Variants in TNPO2 observed in about 807,000 individuals in gnomAD.
TNPO2 encodes the protein transportin-2.
In TNPO2, 16 loss-of-function variants were observed where a neutral mutation model predicts 111.1. That is an observed-to-expected ratio of 0.14 (90% CI 0.10 to 0.22). The LOEUF is 0.22. Ranked by LOEUF, TNPO2 falls within the 10% of genes least tolerant of loss-of-function variation. The pLI is 1.00. For synonymous variants in TNPO2, 481 were observed against 475.8 expected (o/e 1.01, Z -0.14); for missense variants, 530 against 1,173.7 (o/e 0.45, Z 8.01).
Position 12,706,994 on chromosome 19 carries a change from C to T in TNPO2, c.1271-199G>A, listed in dbSNP as rs2025715093. On this transcript the variant is annotated intron_variant, in intron 13 of 25. Coordinates refer to ENST00000425528, the MANE Select transcript of TNPO2 (RefSeq NM_001382241.1). This position sits in a 1 kb window ranked among gnomAD's most constrained non-coding sequence, Gnocchi z 7.0. ...AACAGAAGCCTCTCATCCCAAAGCCCCGGGTTATCTTTATTTTTTTTTGAG... is the reference window on the plus strand; with the variant it reads ...AACAGAAGCCTCTCATCCCAAAGCCTCGGGTTATCTTTATTTTTTTTTGAG... Among the ~76,000 whole-genome samples the T allele has an allele frequency of 6.6e-6, 1 of 152,118 alleles. No individual in the cohort carries two copies. Among genetic ancestry groups the T allele is most frequent in the African/African-American group, 2.4e-5 (1 of 41,416 alleles).
rs935792468 is a variant in TNPO2 at position 12,699,214 on chromosome 19, G to A, written c.*2050C>T. On this transcript the variant is annotated 3_prime_UTR_variant, in exon 26 of 26. Coordinates refer to ENST00000425528, the MANE Select transcript of TNPO2 (RefSeq NM_001382241.1). ...CAGACTAAGGAGTTCACAAGAAACT[G>A]ATCTTTACTCAACAAAGTTCTACAC... is the stretch of plus-strand genomic sequence containing the variant. 7.2e-6 allele frequency: 3 copies of A among 417,408 alleles called. No homozygotes were observed. Among genetic ancestry groups the A allele is most frequent in the East Asian group, 1.9e-4 (2 of 10,420 alleles). 25.9% of individuals were successfully genotyped at this position (417,408 alleles called of 1,614,324 possible).
intron 10 of TNPO2, among the ~76,000 whole-genome samples, chr19:12,712,990 A>G (rs2026150076): frequency 6.6e-6 from 1 of 152,020 alleles, no homozygotes; most frequent in African/African-American, 2.4e-5. Flanking sequence ...GGCTCATGCA[A>G]TCCTCCTGCC....
Position 12,700,228 on chromosome 19 carries a change from A to C in TNPO2, c.*1036T>G, listed in dbSNP as rs748146424. ...AAAACCTGTGTCCTCTGTCATCATC[A>C]ATTAAACGCCCCTGCCCCAGGCCTT... On this transcript the variant is annotated 3_prime_UTR_variant, in exon 26 of 26. Coordinates refer to ENST00000425528, the MANE Select transcript of TNPO2 (RefSeq NM_001382241.1). 2.6e-5 allele frequency: 4 copies of C among 152,120 alleles called. No homozygotes were observed. Among genetic ancestry groups the C allele is most frequent in the Non-Finnish European group, 5.9e-5 (4 of 68,046 alleles). 9.4% of individuals were successfully genotyped at this position (152,120 alleles called of 1,614,324 possible). A position where few individuals can be genotyped will look rare whatever the true frequency, so the allele number is the denominator to read the frequency against.
chr19:12,716,608 A>G (rs1046750171), intron 5 of TNPO2, among the ~76,000 whole-genome samples: 1 of 151,960 alleles, frequency 6.6e-6, no homozygotes, highest in African/African-American at 2.4e-5. Flanking sequence ...CCTGGGATGG[A>G]GCAAGACTCC....
At position 12,719,496 on chromosome 19, in the gene TNPO2, C is replaced by T. The variant is rs1472605224; in HGVS notation, c.100-160G>A. ...ACAATGACACAGAGCACCTCAGACACGTCAAATTCATATAAGGGGCCGGGC... is the reference window on the plus strand; with the variant it reads ...ACAATGACACAGAGCACCTCAGACATGTCAAATTCATATAAGGGGCCGGGC... On this transcript the variant is annotated intron_variant, in intron 3 of 25. Coordinates refer to ENST00000425528, the MANE Select transcript of TNPO2 (RefSeq NM_001382241.1). This position sits in a 1 kb window ranked among gnomAD's most constrained non-coding sequence, Gnocchi z 5.0. Among the ~76,000 whole-genome samples, 5 of 152,008 alleles carry T rather than the reference C, an allele frequency of 3.3e-5. No homozygotes were observed. Among genetic ancestry groups the T allele is most frequent in the Non-Finnish European group, 7.4e-5 (5 of 68,004 alleles).
intron 10 of TNPO2, among the ~76,000 whole-genome samples, chr19:12,714,559 G>T (rs996278407): frequency 1.3e-5 from 2 of 151,998 alleles, no homozygotes; most frequent in African/African-American, 4.8e-5. Flanking sequence ...TGATCTGCCC[G>T]CCTCGGCCTC....
rs906162756 is a variant in TNPO2 at position 12,701,124 on chromosome 19, G to A, written c.*140C>T. 51 of 505,910 alleles carry A rather than the reference G, an allele frequency of 1.0e-4. No homozygotes were observed. The Admixed American group carries it at 1.4e-3, about 14-fold the overall frequency. 31.3% of individuals were successfully genotyped at this position (505,910 alleles called of 1,614,324 possible). A position where few individuals can be genotyped will look rare whatever the true frequency, so the allele number is the denominator to read the frequency against. ...GATGGACGGACGGACGGACGGACGG[G>A]GAAGGCATCTGGATTTGAGTCCCAC... On this transcript the variant is annotated 3_prime_UTR_variant, in exon 26 of 26. Transcript: ENST00000425528. The surrounding 1 kb of genome is among the most constrained non-coding windows in gnomAD (Gnocchi z 5.0).
intron 19 of TNPO2, 49 bp from the exon 20 acceptor site, chr19:12,703,575 GCTGCAGGACCTAGTCCAGC>G: frequency 6.3e-7 from 1 of 1,594,264 alleles, no homozygotes; most frequent in East Asian, 2.2e-5. Context: ...GCCAGGGTAA[GCTGCAGGACCTAGTCCAGC>G]AGGCCCCATC....
intron 13 of TNPO2, among the ~76,000 whole-genome samples, chr19:12,707,870 AAGT>A (rs1308289725): frequency 1.3e-5 from 2 of 151,626 alleles, no homozygotes; most frequent in East Asian, 3.9e-4. Context: ...GCCCAAGCTG[AAGT>A]ACAGTTGCAC....
intron 10 of TNPO2, among the ~76,000 whole-genome samples, chr19:12,712,225 C>T (rs28698395): frequency 0.14 from 20,648 of 152,124 alleles, 4,193 homozygotes; most frequent in African/African-American, 0.44. Context: ...CTTGGTCTAG[C>T]GGTGACGCCA....
At chr19:12,714,969 G>C (rs1401351794) in intron 9 of TNPO2, 30 bp from the exon 10 acceptor site, 1 of 1,601,132 alleles carries the variant, frequency 6.2e-7, no homozygotes, top group African/African-American at 1.3e-5. Flanking sequence ...CTGAGGCCTG[G>C]CCTGGCTGGG....
chr19:12,702,095 C>T lies in TNPO2; in HGVS notation c.2388G>A (p.Met796Ile), dbSNP rs1365108555. The T allele has an allele frequency of 1.9e-6, 3 of 1,613,446 alleles. No homozygotes were observed. Among genetic ancestry groups the T allele is most frequent in the Non-Finnish European group, 2.5e-6 (3 of 1,179,854 alleles). The change falls in exon 22 of 26, where the codon ATG becomes ATA. Residue 796 changes from methionine to isoleucine, a missense_variant. Transcript: ENST00000425528. The surrounding 1 kb of genome is among the most constrained non-coding windows in gnomAD (Gnocchi z 5.5). ...GYVCPQEVAPMLQQFIRPWCT... is the reference protein window; with the variant it reads ...GYVCPQEVAPILQQFIRPWCT... ...ACCAAGGCCGGATGAACTGCTGCAG[C>T]ATGGGTGCCACCTCCTGGGGGCACA...
intron 5 of TNPO2, among the ~76,000 whole-genome samples, chr19:12,718,455 A>G (rs1023536416): frequency 4.6e-5 from 7 of 151,996 alleles, no homozygotes; most frequent in South Asian, 4.1e-4. Flanking sequence ...GTGAGCCACC[A>G]TGCCTGGCCA....
rs900199393 is a variant in TNPO2 at position 12,719,521 on chromosome 19, C to T, written c.100-185G>A. 7.2e-5 allele frequency among the ~76,000 whole-genome samples: 11 copies of T among 152,116 alleles called. No individual in the cohort carries two copies. The highest frequency in any genetic ancestry group is 1.5e-4 in the Non-Finnish European group (10 of 68,012). ...CGTCAAATTCATATAAGGGGCCGGG[C>T]GCGGTGGCTCACGCCTGTAATCCCA... On this transcript the variant is annotated intron_variant, in intron 3 of 25. Transcript: ENST00000425528. The surrounding 1 kb of genome is among the most constrained non-coding windows in gnomAD (Gnocchi z 5.0).
intron 13 of TNPO2, among the ~76,000 whole-genome samples, chr19:12,709,941 G>T (rs976487161): frequency 4.6e-5 from 7 of 152,140 alleles, no homozygotes; most frequent in Non-Finnish European, 1.0e-4. Context: ...AATTTTGAAA[G>T]CTTACAAGGT....
At position 12,706,562 on chromosome 19, in the gene TNPO2, A is replaced by C. The variant is rs200312094; in HGVS notation, c.1496+8T>G. On this transcript the variant is annotated splice_region_variant and intron_variant, in intron 14 of 25. Coordinates refer to ENST00000425528, the MANE Select transcript of TNPO2 (RefSeq NM_001382241.1). This position sits in a 1 kb window ranked among gnomAD's most constrained non-coding sequence, Gnocchi z 7.0. ...GTGGGGGCTGTGGGATCAGGGGTCC[A>C]GGGTCACCTGCAGGCCGCCTCCTGT... 6.2e-7 allele frequency: 1 copy of C among 1,613,760 alleles called. No homozygotes were observed. The highest frequency in any genetic ancestry group is 2.2e-5 in the East Asian group (1 of 44,880).
rs1599430487 is a variant in TNPO2 at position 12,719,881 on chromosome 19, G to C, written c.100-545C>G. 2.0e-5 allele frequency among the ~76,000 whole-genome samples: 3 copies of C among 151,466 alleles called. No homozygotes were observed. The highest frequency in any genetic ancestry group is 3.5e-3 in the Middle Eastern group (1 of 286). Reference sequence around the variant, plus strand: ...TCCTGAAGACCCAGCCAGAGCAGGAGAGGGAAGGAGAATCCCACTCCTCTT... The same window carrying C: ...TCCTGAAGACCCAGCCAGAGCAGGACAGGGAAGGAGAATCCCACTCCTCTT... On this transcript the variant is annotated intron_variant, in intron 3 of 25. Coordinates refer to ENST00000425528, the MANE Select transcript of TNPO2 (RefSeq NM_001382241.1). The surrounding 1 kb of genome is among the most constrained non-coding windows in gnomAD (Gnocchi z 5.0).
At position 12,701,722 on chromosome 19, in the gene TNPO2, C is replaced by T. The variant is rs144916081; in HGVS notation, c.2511+30G>A. 1.6e-5 allele frequency: 26 copies of T among 1,612,818 alleles called. No individual in the cohort carries two copies. In the East Asian group the frequency reaches 2.7e-4, roughly 17 times the overall value. On this transcript the variant is annotated intron_variant, in intron 23 of 25. Transcript: ENST00000425528. This position sits in a 1 kb window ranked among gnomAD's most constrained non-coding sequence, Gnocchi z 5.0. ...AGGGGCCGCCCGAGCCCAGCGCCCGCGCCTGCCCTCAGAGCCCAGCTGCCC... is the reference window on the plus strand; with the variant it reads ...AGGGGCCGCCCGAGCCCAGCGCCCGTGCCTGCCCTCAGAGCCCAGCTGCCC...
intron 5 of TNPO2, among the ~76,000 whole-genome samples, chr19:12,717,854 G>C (rs1419190921): frequency 1.3e-5 from 2 of 148,964 alleles, no homozygotes; most frequent in Non-Finnish European, 3.0e-5. Context: ...GTAATTTTTT[G>C]TATTTTCAGT....
Sources: allele counts gnomAD v4.1 joint callset (sites outside exome capture counted in the v4.1 genomes callset), GRCh38; gene constraint gnomAD v4.1.1; non-coding constraint Gnocchi (gnomAD v3.1); transcripts MANE v1.5; gene names NCBI Gene and HGNC (gene_info 2026-07-23, HGNC 2026-07-21).